The following CFAP47 variants were observed in gnomAD, a reference collection of about 807,000 sequenced individuals.
CFAP47 encodes the protein cilia and flagella associated protein 47, also known as cilia- and flagella-associated protein 47.
CFAP47 carries 29 observed loss-of-function variants against 148.1 expected under a neutral mutation model. The observed-to-expected ratio is 0.20, with a 90% CI of 0.15 to 0.27. CFAP47 has a LOEUF of 0.27. Among genes scored for constraint, CFAP47 ranks in the 10% least tolerant of loss-of-function variants. The probability of loss-of-function intolerance (pLI) is 1.00; values close to 1 mark genes in which losing one functional copy is unlikely to be tolerated. For missense variants in CFAP47, 1,872 were observed against 1,697.5 expected, an observed-to-expected ratio of 1.10 and a Z score of -1.81; for synonymous variants, 664 against 577.3, an observed-to-expected ratio of 1.15 and a Z score of -2.15.
At chrX:36,239,563 C>T (rs1355620066) in intron 48 of CFAP47, among the ~76,000 whole-genome samples, 1 of 112,077 alleles carries the variant, frequency 8.9e-6, no homozygotes, top group Admixed American at 9.5e-5. Flanking sequence ...TTTGACTTGT[C>T]TCAGAGTTTG....
At chrX:35,985,089 C>T (rs908999086) in intron 15 of CFAP47, among the ~76,000 whole-genome samples, 1 of 111,232 alleles carries the variant, frequency 9.0e-6, no homozygotes, top group Non-Finnish European at 1.9e-5. Flanking sequence ...CTTTGTAGGT[C>T]TCAAAGAACC....
At chrX:36,141,620 A>G (rs1939141856) in intron 35 of CFAP47, among the ~76,000 whole-genome samples, 1 of 111,932 alleles carries the variant, frequency 8.9e-6, no homozygotes, top group Non-Finnish European at 1.9e-5. Flanking sequence ...AACCTTCACA[A>G]TCACTAGGAA....
chrX:36,364,189 T>C (rs1941851642), intron 61 of CFAP47, among the ~76,000 whole-genome samples: 1 of 110,896 alleles, frequency 9.0e-6, no homozygotes, highest in African/African-American at 3.3e-5. Flanking sequence ...ATGTCATCCA[T>C]GAAATTCTGT....
intron 50 of CFAP47, among the ~76,000 whole-genome samples, chrX:36,283,403 G>A (rs1941100506): frequency 9.0e-6 from 1 of 111,674 alleles, no homozygotes; most frequent in South Asian, 3.7e-4. Context: ...ACACTGCCAC[G>A]TGTGATAGTC....
At chrX:36,128,372 A>C (rs138151675) in intron 33 of CFAP47, among the ~76,000 whole-genome samples, 33 of 111,464 alleles carry the variant, frequency 3.0e-4, no homozygotes, top group African/African-American at 1.1e-3. Flanking sequence ...CCTACACTGT[A>C]AGTGAATTGC....
intron 26 of CFAP47, among the ~76,000 whole-genome samples, chrX:36,059,721 T>C (rs1412635302): frequency 8.9e-6 from 1 of 112,220 alleles, no homozygotes; most frequent in Non-Finnish European, 1.9e-5. Context: ...TGTATATCTG[T>C]GCATATGCAC....
chrX:36,146,424 C>G (rs1939233980), intron 36 of CFAP47, among the ~76,000 whole-genome samples: 1 of 111,632 alleles, frequency 9.0e-6, no homozygotes, highest in South Asian at 3.7e-4. Context: ...GATTTATTTT[C>G]TCATTTTATT....
intron 33 of CFAP47, among the ~76,000 whole-genome samples, chrX:36,109,465 C>T (rs181950939): frequency 2.6e-3 from 285 of 110,678 alleles, no homozygotes; most frequent in African/African-American, 5.7e-3. Context: ...TGTTACTTTT[C>T]GACTATATTT....
intron 49 of CFAP47, among the ~76,000 whole-genome samples, chrX:36,270,866 G>A (rs782690139): frequency 2.8e-5 from 3 of 108,103 alleles, no homozygotes; most frequent in Non-Finnish European, 5.7e-5. Flanking sequence ...TTTTTATTTT[G>A]ATGAAATGTA....
chrX:36,299,966 A>C (rs1305300648), intron 52 of CFAP47, among the ~76,000 whole-genome samples: 1 of 112,098 alleles, frequency 8.9e-6, no homozygotes, highest in Non-Finnish European at 1.9e-5. Flanking sequence ...TACTATTCTG[A>C]AAAAATTATT....
intron 48 of CFAP47, among the ~76,000 whole-genome samples, chrX:36,237,607 G>A (rs1024049168): frequency 8.9e-6 from 1 of 112,325 alleles, no homozygotes; most frequent in South Asian, 3.6e-4. Context: ...TGGGATTACA[G>A]GCATGAGCCA....
At chrX:35,954,697 T>C (rs1321412491) in intron 7 of CFAP47, among the ~76,000 whole-genome samples, 1 of 112,158 alleles carries the variant, frequency 8.9e-6, no homozygotes, top group Non-Finnish European at 1.9e-5. Context: ...GTTACACTGC[T>C]CTCTCTCTGC....
Position 36,170,511 on chromosome X carries a change from T to C in CFAP47, c.6027-8834T>C, listed in dbSNP as rs374626484. On this transcript the variant is annotated intron_variant, in intron 39 of 63. Transcript: ENST00000378653. ...CCCTTCCTGTGTCCATGTGTTCTCATTGTCAATTCCCACATATGAGCGAGA... is the reference window on the plus strand; with the variant it reads ...CCCTTCCTGTGTCCATGTGTTCTCACTGTCAATTCCCACATATGAGCGAGA... Among the ~76,000 whole-genome samples the C allele has an allele frequency of 2.6e-4, 29 of 110,203 alleles. No individual in the cohort carries two copies. The South Asian group carries it at 0.011, about 42-fold the overall frequency.
chrX:36,312,183 G>A (rs1252073271), intron 56 of CFAP47, among the ~76,000 whole-genome samples: 17 of 110,820 alleles, frequency 1.5e-4, no homozygotes, highest in African/African-American at 5.5e-4. Context: ...CAGAACAGAG[G>A]TAAAGGAAGA....
At chrX:36,112,281 C>T (rs1244935461) in intron 33 of CFAP47, among the ~76,000 whole-genome samples, 2 of 111,468 alleles carry the variant, frequency 1.8e-5, no homozygotes, top group Non-Finnish European at 3.8e-5. Context: ...AGATGTTTCC[C>T]AGAGATTCTG....
At chrX:36,195,259 A>G (rs891008931) in intron 42 of CFAP47, among the ~76,000 whole-genome samples, 14 of 112,416 alleles carry the variant, frequency 1.2e-4, no homozygotes, top group Non-Finnish European at 2.4e-4. Context: ...ATCAAGGATG[A>G]GTTGCCAATA....
At chrX:35,969,985 C>T (rs1936464353) in intron 10 of CFAP47, among the ~76,000 whole-genome samples, 1 of 110,287 alleles carries the variant, frequency 9.1e-6, no homozygotes, top group Admixed American at 9.7e-5. Context: ...CATATGTATA[C>T]ATGCGCCATG....
intron 49 of CFAP47, among the ~76,000 whole-genome samples, chrX:36,262,331 G>A (rs60650740): frequency 0.35 from 38,871 of 110,002 alleles, 7,704 homozygotes; most frequent in African/African-American, 0.76. Flanking sequence ...CTTCTATTTT[G>A]TTGTACCAAT....
intron 54 of CFAP47, 23 bp downstream of exon 54, chrX:36,303,983 G>T (rs782269523): frequency 1.2e-5 from 9 of 762,016 alleles, no homozygotes; most frequent in Non-Finnish European, 1.7e-5. Context: ...AGAGAGCCAT[G>T]AAATTTACTG....
Sources: gnomAD v4.1 joint callset for allele counts (sites outside exome capture counted in the v4.1 genomes callset) on GRCh38, gnomAD v4.1.1 for gene constraint, MANE v1.5 for transcripts, NCBI Gene and HGNC (gene_info 2026-07-23, HGNC 2026-07-21) for gene names.